C1orf87: variants seen among roughly 807,000 people sequenced by gnomAD.
C1orf87 encodes the protein chromosome 1 open reading frame 87.
Under a neutral mutation model 60.5 loss-of-function variants are expected in C1orf87, and 58 were observed. That is an observed-to-expected ratio of 0.96 (90% CI 0.78 to 1.19). The LOEUF (loss-of-function observed/expected upper bound fraction) is 1.19, where lower values mean the gene tolerates loss of function less well. Among genes scored for constraint, C1orf87 ranks in the 50% most tolerant of loss-of-function variants. C1orf87 has a pLI of 0.00. For synonymous variants in C1orf87, 236 were observed against 227.4 expected, an observed-to-expected ratio of 1.04 and a Z score of -0.34; for missense variants, 673 against 638.6, an observed-to-expected ratio of 1.05 and a Z score of -0.58.
At chr1:60,016,264 T>A (rs554359267) in intron 8 of C1orf87, among the ~76,000 whole-genome samples, 1 of 152,310 alleles carries the variant, frequency 6.6e-6, no homozygotes, top group African/African-American at 2.4e-5. Context: ...GAAAACCAAC[T>A]CATGGGGTTG....
At chr1:60,031,345 C>T (rs1214002779) in intron 7 of C1orf87, among the ~76,000 whole-genome samples, 2 of 152,122 alleles carry the variant, frequency 1.3e-5, no homozygotes, top group East Asian at 3.9e-4. Context: ...TAAGAGATGC[C>T]AGATGGCTCA....
rs374111464 is a variant in C1orf87 at position 60,038,156 on chromosome 1, G to A, written c.748-49C>T. 116 of 1,191,000 alleles carry A rather than the reference G, an allele frequency of 9.7e-5. No individual in the cohort carries two copies. In the African/African-American group the frequency reaches 1.4e-3, roughly 14 times the overall value. The allele number at this position is 1,191,000 out of a possible 1,614,324, so 73.8% of individuals were successfully genotyped here. Reference sequence around the variant, plus strand: ...ACATCCTCATTTAATTTATATGTAAGGAAAGAGGCCTGTTGAGATAAAATG... The same window carrying A: ...ACATCCTCATTTAATTTATATGTAAAGAAAGAGGCCTGTTGAGATAAAATG... On this transcript the variant is annotated intron_variant, in intron 5 of 11. Coordinates refer to ENST00000371201, the MANE Select transcript of C1orf87 (RefSeq NM_152377.3).
At chr1:60,025,332 G>T in intron 8 of C1orf87, 69 bp downstream of exon 8, 3 of 1,236,864 alleles carry the variant, frequency 2.4e-6, no homozygotes, top group East Asian at 2.3e-5. Context: ...TGAAGTTAAA[G>T]CTTCACCATA....
intron 10 of C1orf87, among the ~76,000 whole-genome samples, chr1:59,998,192 T>C (rs890292): frequency 0.26 from 39,532 of 152,002 alleles, 5,521 homozygotes; most frequent in East Asian, 0.48. Flanking sequence ...AAAGAAATAC[T>C]TCTGGGTCAT....
In C1orf87 at chr1:59,997,636, G is replaced by C. The variant is rs1367160439; in HGVS notation, c.1453C>G (p.Leu485Val). 3 of 1,613,882 alleles carry C rather than the reference G, an allele frequency of 1.9e-6. No individual in the cohort carries two copies. Among genetic ancestry groups the C allele is most frequent in the Admixed American group, 1.7e-5 (1 of 59,980 alleles). Residue 485 changes from leucine to valine, a missense_variant, in exon 11 of 12, where the codon CTC becomes GTC. By Grantham distance (32) the Leu-to-Val change is conservative. Transcript: ENST00000371201. The part of the protein sequence containing the change: ...IDRFRKLENA[L>V]YLCDLSNTGV... The stretch of plus-strand genomic sequence containing the variant: ...GTGTTACTCAGATCACACAGGTAGA[G>C]GGCATTTTCCAGCTTCCTGAACCTG...
chr1:59,999,175 T>C (rs1452394460), intron 10 of C1orf87, among the ~76,000 whole-genome samples: 1 of 152,146 alleles, frequency 6.6e-6, no homozygotes, highest in East Asian at 1.9e-4. Context: ...TTAACAAACA[T>C]GGATTAAGTT....
chr1:60,012,432 T>A (rs1224506337), intron 8 of C1orf87, among the ~76,000 whole-genome samples: 1 of 152,120 alleles, frequency 6.6e-6, no homozygotes, highest in Non-Finnish European at 1.5e-5. Context: ...CTGATTTGAA[T>A]GGTATAGGAC....
At chr1:60,062,868 G>A (rs1456995725) in intron 2 of C1orf87, among the ~76,000 whole-genome samples, 1 of 152,074 alleles carries the variant, frequency 6.6e-6, no homozygotes, top group Non-Finnish European at 1.5e-5. Context: ...ACACTTATAA[G>A]TTTTCTAAAA....
intron 11 of C1orf87, among the ~76,000 whole-genome samples, chr1:59,997,063 G>A (rs561616735): frequency 1.3e-5 from 2 of 152,260 alleles, no homozygotes; most frequent in African/African-American, 4.8e-5. Flanking sequence ...GTATTGATTA[G>A]CCAGGGGACA....
intron 8 of C1orf87, among the ~76,000 whole-genome samples, chr1:60,020,585 G>T (rs1434598828): frequency 3.9e-5 from 6 of 152,162 alleles, no homozygotes. Context: ...CTTGCATGGG[G>T]TCTGTAGCTC....
At chr1:59,992,102 C>A (rs1262124156) in intron 11 of C1orf87, among the ~76,000 whole-genome samples, 5 of 152,060 alleles carry the variant, frequency 3.3e-5, no homozygotes, top group Non-Finnish European at 7.4e-5. Flanking sequence ...TGAATCCTTA[C>A]AATAACCCAT....
intron 2 of C1orf87, among the ~76,000 whole-genome samples, chr1:60,067,881 T>A (rs970837787): frequency 2.0e-5 from 3 of 152,146 alleles, no homozygotes; most frequent in African/African-American, 4.8e-5. Context: ...CTTTAATCCA[T>A]CTTGAGTTAA....
At chr1:60,001,740 A>G (rs957860870) in intron 9 of C1orf87, among the ~76,000 whole-genome samples, 1 of 152,054 alleles carries the variant, frequency 6.6e-6, no homozygotes, top group Non-Finnish European at 1.5e-5. Context: ...TTACACACAC[A>G]TGCACCCAAA....
intron 8 of C1orf87, among the ~76,000 whole-genome samples, chr1:60,012,234 T>A (rs1340639306): frequency 6.6e-6 from 1 of 151,942 alleles, no homozygotes; most frequent in Non-Finnish European, 1.5e-5. Flanking sequence ...CCATTAATAT[T>A]TACACATTAC....
chr1:59,995,168 G>T (rs1204839632), intron 11 of C1orf87, among the ~76,000 whole-genome samples: 2 of 146,884 alleles, frequency 1.4e-5, no homozygotes, highest in Non-Finnish European at 3.0e-5. Context: ...TCTTTGGAGA[G>T]TGTCTTAGCA....
At chr1:60,056,869 A>T (rs1334103843) in intron 2 of C1orf87, among the ~76,000 whole-genome samples, 4 of 152,208 alleles carry the variant, frequency 2.6e-5, no homozygotes. Flanking sequence ...GAAAAGATCC[A>T]TTTACAAGCA....
intron 11 of C1orf87, among the ~76,000 whole-genome samples, chr1:59,993,703 T>C (rs1465452471): frequency 2.0e-5 from 3 of 151,834 alleles, no homozygotes; most frequent in Non-Finnish European, 4.4e-5. Context: ...CATCTTAGTG[T>C]TGGAAAGCCT....
chr1:59,997,649 C>T lies in C1orf87; in HGVS notation c.1440G>A (p.Lys480=). The change falls in exon 11 of 12, where the codon AAG becomes AAA. Residue 480 remains lysine (K), a synonymous_variant. Transcript: ENST00000371201. The part of the protein sequence containing the change: ...ECETWIDRFR[K]LENALYLCDL... ...CACACAGGTAGAGGGCATTTTCCAG[C>T]TTCCTGAACCTGTCTATCCACGTCT... The T allele has an allele frequency of 6.2e-7, 1 of 1,613,952 alleles. No homozygotes were observed. Among genetic ancestry groups the T allele is most frequent in the Non-Finnish European group, 8.5e-7 (1 of 1,179,876 alleles).
At chr1:60,012,861 C>T (rs1645098079) in intron 8 of C1orf87, among the ~76,000 whole-genome samples, 1 of 152,154 alleles carries the variant, frequency 6.6e-6, no homozygotes, top group Non-Finnish European at 1.5e-5. Context: ...TATGCCCTGA[C>T]TCCAAATCTA....
Sources: gnomAD v4.1 joint callset for allele counts (sites outside exome capture counted in the v4.1 genomes callset) on GRCh38, gnomAD v4.1.1 for gene constraint, MANE v1.5 for transcripts, NCBI Gene and HGNC (gene_info 2026-07-23, HGNC 2026-07-21) for gene names.